Variants in GALNT17 observed in about 807,000 individuals in gnomAD.
GALNT17 encodes the protein polypeptide N-acetylgalactosaminyltransferase 17, also known as UDP-GalNAc:polypeptide N-acetylgalactosaminyltransferase-like 3.
GALNT17 carries 29 observed loss-of-function variants against 63.7 expected under a neutral mutation model. The observed-to-expected ratio is 0.46, with a 90% confidence interval of 0.34 to 0.62. The LOEUF is 0.62. Among genes scored for constraint, GALNT17 ranks in the 20% least tolerant of loss-of-function variants. The probability of loss-of-function intolerance (pLI) is 0.01; values close to 1 mark genes in which losing one functional copy is unlikely to be tolerated. For missense variants in GALNT17, 603 were observed against 799.6 expected, an observed-to-expected ratio of 0.75 and a Z score of 2.97; for synonymous variants, 305 against 318.3, an observed-to-expected ratio of 0.96 and a Z score of 0.45.
chr7:71,475,679 C>CT (rs1458900191), intron 5 of GALNT17, among the ~76,000 whole-genome samples: 1 of 152,162 alleles, frequency 6.6e-6, no homozygotes, highest in African/African-American at 2.4e-5. Flanking sequence ...GGGTCCCCTG[C>CT]TTTAAGCCAC....
intron 1 of GALNT17, among the ~76,000 whole-genome samples, chr7:71,254,476 T>C (rs1218653727): frequency 6.6e-6 from 1 of 152,214 alleles, no homozygotes; most frequent in African/African-American, 2.4e-5. Flanking sequence ...ATACTTGGAT[T>C]TCTTTCAGGG....
intron 5 of GALNT17, among the ~76,000 whole-genome samples, chr7:71,439,639 G>A (rs186916924): frequency 9.9e-5 from 15 of 152,260 alleles, no homozygotes; most frequent in African/African-American, 3.4e-4. Context: ...TCAGTGTTGC[G>A]GGCTGCCAAG....
intron 5 of GALNT17, among the ~76,000 whole-genome samples, chr7:71,495,806 G>T (rs1308299891): frequency 5.9e-5 from 9 of 152,156 alleles, no homozygotes; most frequent in African/African-American, 2.2e-4. Flanking sequence ...CAATTGTATA[G>T]GGAATTGCAG....
chr7:71,354,351 C>G (rs572428063), intron 2 of GALNT17, among the ~76,000 whole-genome samples: 1 of 152,258 alleles, frequency 6.6e-6, no homozygotes, highest in South Asian at 2.1e-4. Flanking sequence ...AAGATGCTAT[C>G]TCTATGGCTA....
intron 1 of GALNT17, among the ~76,000 whole-genome samples, chr7:71,154,976 G>T (rs2116228727): frequency 6.6e-6 from 1 of 151,904 alleles, no homozygotes; most frequent in Non-Finnish European, 1.5e-5. Flanking sequence ...GGAAAGTCTT[G>T]GATTTATATG....
At position 71,133,690 on chromosome 7, in the gene GALNT17, T is replaced by C. The variant is rs74956602; in HGVS notation, c.238+650T>C. 2.2e-3 allele frequency among the ~76,000 whole-genome samples: 337 copies of C among 152,296 alleles called. 1 individual carries two copies. Among genetic ancestry groups the C allele is most frequent in the African/African-American group, 7.5e-3 (313 of 41,568 alleles). The stretch of plus-strand genomic sequence containing the variant: ...TTCCAGAATGTAGCACAGAGAGATG[T>C]GGCATCCCATTAGTGACAGTTGTCT... On this transcript the variant is annotated intron_variant, in intron 1 of 10. Coordinates refer to ENST00000333538, the MANE Select transcript of GALNT17 (RefSeq NM_022479.3).
intron 5 of GALNT17, among the ~76,000 whole-genome samples, chr7:71,468,099 C>G (rs1787567415): frequency 6.6e-6 from 1 of 151,672 alleles, no homozygotes; most frequent in Non-Finnish European, 1.5e-5. Flanking sequence ...GTGACTGTAC[C>G]TCACTGCAGC....
At chr7:71,338,531 T>A (rs1791953357) in intron 2 of GALNT17, among the ~76,000 whole-genome samples, 1 of 151,992 alleles carries the variant, frequency 6.6e-6, no homozygotes, top group African/African-American at 2.4e-5. Context: ...TAAAAACTAT[T>A]TGTGTGCATC....
chr7:71,541,601 T>C (rs1788894240), intron 5 of GALNT17, among the ~76,000 whole-genome samples: 1 of 151,954 alleles, frequency 6.6e-6, no homozygotes, highest in African/African-American at 2.4e-5. Context: ...CAGTGATCAC[T>C]GGTTTTCAGT....
intron 5 of GALNT17, among the ~76,000 whole-genome samples, chr7:71,529,326 A>G (rs1041713525): frequency 6.6e-6 from 1 of 152,100 alleles, no homozygotes; most frequent in Admixed American, 6.6e-5. Context: ...TAGAAATTCT[A>G]GTGAAATTAG....
At chr7:71,565,609 T>C (rs1486408138) in intron 5 of GALNT17, among the ~76,000 whole-genome samples, 1 of 148,472 alleles carries the variant, frequency 6.7e-6, no homozygotes, top group African/African-American at 2.5e-5. Context: ...GTTCTGCACA[T>C]TCATTCACTC....
At chr7:71,592,550 A>ATAGCATAGCC (rs1789822219) in intron 6 of GALNT17, among the ~76,000 whole-genome samples, 1 of 133,736 alleles carries the variant, frequency 7.5e-6, no homozygotes, top group Non-Finnish European at 1.6e-5. Context: ...ATAAAATAGC[A>ATAGCATAGCC]TAGCATAGCA....
intron 5 of GALNT17, among the ~76,000 whole-genome samples, chr7:71,482,081 ATGTGTG>A (rs10678512): frequency 2.9e-5 from 4 of 138,256 alleles, no homozygotes; most frequent in South Asian, 2.4e-4. Context: ...ATATATGTAT[ATGTGTG>A]TGTGTGTGTG....
intron 5 of GALNT17, among the ~76,000 whole-genome samples, chr7:71,557,847 C>T (rs542550607): frequency 1.4e-4 from 21 of 151,320 alleles, no homozygotes; most frequent in Middle Eastern, 3.4e-3. Context: ...CCAAAGCAGG[C>T]GGATCACTTG....
At chr7:71,452,364 G>A (rs1031397765) in intron 5 of GALNT17, among the ~76,000 whole-genome samples, 8 of 152,142 alleles carry the variant, frequency 5.3e-5, no homozygotes, top group Non-Finnish European at 1.0e-4. Flanking sequence ...TAGCCAACAA[G>A]GTGAAACCCT....
chr7:71,428,648 A>C (rs1786804208), intron 5 of GALNT17, among the ~76,000 whole-genome samples: 1 of 152,176 alleles, frequency 6.6e-6, no homozygotes, highest in Non-Finnish European at 1.5e-5. Flanking sequence ...CATGTTGGCC[A>C]GGATGGTCTC....
chr7:71,492,802 C>T (rs1313921139), intron 5 of GALNT17, among the ~76,000 whole-genome samples: 2 of 152,118 alleles, frequency 1.3e-5, no homozygotes, highest in African/African-American at 2.4e-5. Context: ...CTTTTCCTTT[C>T]GAAATACATT....
At chr7:71,432,178 A>G (rs1186960345) in intron 5 of GALNT17, among the ~76,000 whole-genome samples, 2 of 152,160 alleles carry the variant, frequency 1.3e-5, no homozygotes, top group Non-Finnish European at 2.9e-5. Flanking sequence ...CCGTCTCAAA[A>G]AAAAAAAATC....
chr7:71,313,876 AT>A (rs1045479731), intron 1 of GALNT17, among the ~76,000 whole-genome samples: 3 of 152,150 alleles, frequency 2.0e-5, no homozygotes, highest in Admixed American at 1.3e-4. Context: ...AGGAAATTAA[AT>A]GTGAAGGGTT....
Sources: allele counts gnomAD v4.1 joint callset (sites outside exome capture counted in the v4.1 genomes callset), GRCh38; gene constraint gnomAD v4.1.1; transcripts MANE v1.5; gene names NCBI Gene and HGNC (gene_info 2026-07-23, HGNC 2026-07-21).